The following POF1B variants were observed in gnomAD, a reference collection of about 807,000 sequenced individuals.
POF1B encodes protein POF1B.
Under a neutral mutation model 55.3 loss-of-function variants are expected in POF1B, and 53 were observed. The observed-to-expected ratio is 0.96, with a 90% CI of 0.77 to 1.20. POF1B has a LOEUF of 1.20. Among genes scored for constraint, POF1B ranks in the 50% most tolerant of loss-of-function variants. The probability of loss-of-function intolerance (pLI) is 0.00; values close to 1 mark genes in which losing one functional copy is unlikely to be tolerated. For synonymous variants in POF1B, 188 were observed against 148.3 expected (o/e 1.27, Z -1.95); for missense variants, 478 against 420.5 (o/e 1.14, Z -1.20).
intron 15 of POF1B, among the ~76,000 whole-genome samples, chrX:85,290,906 T>G (rs1932171098): frequency 8.9e-6 from 1 of 112,158 alleles, no homozygotes; most frequent in Non-Finnish European, 1.9e-5. Flanking sequence ...CCCTTGATAT[T>G]TTCTCTTGCT....
intron 7 of POF1B, among the ~76,000 whole-genome samples, chrX:85,324,609 T>C (rs183592945): frequency 8.9e-6 from 1 of 111,870 alleles, no homozygotes; most frequent in East Asian, 2.8e-4. Flanking sequence ...TGTCATTTTA[T>C]GTCACATGAG....
chrX:85,364,633 G>C (rs1933685179), intron 3 of POF1B, among the ~76,000 whole-genome samples: 1 of 111,259 alleles, frequency 9.0e-6, no homozygotes, highest in Non-Finnish European at 1.9e-5. Flanking sequence ...TAGCCTGATG[G>C]GCTTTCCTTT....
At chrX:85,361,139 G>A (rs1480470582) in intron 3 of POF1B, among the ~76,000 whole-genome samples, 4 of 111,867 alleles carry the variant, frequency 3.6e-5, no homozygotes, top group African/African-American at 1.3e-4. Context: ...CTTGTCAAAT[G>A]TGTAGTTGAC....
chrX:85,351,359 A>T lies in POF1B; in HGVS notation c.531T>A (p.Asn177Lys). ...EKTIRKVEKL[N>K]TDQGCHPQAQ... The stretch of plus-strand genomic sequence containing the variant: ...ACAAAATATTACTTACCTGATCAGT[A>T]TTTAGCTTCTCCACTTTTCTTATTG... The change falls in exon 5 of 17, where the codon AAT becomes AAA. Residue 177 changes from asparagine (N) to lysine (K), a missense_variant. Coordinates refer to ENST00000262753, the MANE Select transcript of POF1B (RefSeq NM_024921.4). The T allele has an allele frequency of 8.5e-7, 1 of 1,176,467 alleles. No individual in the cohort carries two copies. The highest frequency in any genetic ancestry group is 2.2e-5 in the Admixed American group (1 of 44,646).
At chrX:85,370,234 T>C (rs1471881558) in intron 2 of POF1B, among the ~76,000 whole-genome samples, 1 of 111,973 alleles carries the variant, frequency 8.9e-6, no homozygotes, top group African/African-American at 3.2e-5. Context: ...TGGCAAACAG[T>C]TGTATTTGAG....
chrX:85,371,118 A>G (rs1200760454), intron 2 of POF1B, among the ~76,000 whole-genome samples: 2 of 111,247 alleles, frequency 1.8e-5, no homozygotes, highest in Non-Finnish European at 3.8e-5. Context: ...TTATACTACT[A>G]GCCACTTTTG....
intron 2 of POF1B, among the ~76,000 whole-genome samples, chrX:85,373,025 A>T: frequency 9.1e-6 from 1 of 110,121 alleles, no homozygotes; most frequent in South Asian, 3.8e-4. Flanking sequence ...TTCTAGGATT[A>T]TTTCTGAGCA....
chrX:85,301,766 A>G (rs1351919429), intron 15 of POF1B, among the ~76,000 whole-genome samples: 1 of 112,197 alleles, frequency 8.9e-6, no homozygotes, highest in Non-Finnish European at 1.9e-5. Flanking sequence ...CATAAGACAT[A>G]GAAACAAATA....
intron 6 of POF1B, among the ~76,000 whole-genome samples, chrX:85,332,894 G>A (rs1464229157): frequency 9.0e-6 from 1 of 110,741 alleles, no homozygotes; most frequent in Non-Finnish European, 1.9e-5. Context: ...ACTCTCATAT[G>A]TGAAGGCATG....
chrX:85,301,484 A>G (rs1208886995), intron 15 of POF1B, among the ~76,000 whole-genome samples: 4 of 111,888 alleles, frequency 3.6e-5, no homozygotes, highest in Non-Finnish European at 7.5e-5. Context: ...CTGTTCTACA[A>G]GAAATACTAA....
chrX:85,349,094 T>C (rs1473130572), intron 5 of POF1B, among the ~76,000 whole-genome samples: 1 of 111,233 alleles, frequency 9.0e-6, no homozygotes, highest in Non-Finnish European at 1.9e-5. Flanking sequence ...CTCTGTAAGA[T>C]GAGTATTCAA....
rs1463689660 is a variant in POF1B, at chrX:85,365,212, A to G, written c.357+2480T>C. 1.7e-4 allele frequency among the ~76,000 whole-genome samples: 19 copies of G among 111,848 alleles called. No individual in the cohort carries two copies. In the Admixed American group the frequency reaches 1.8e-3, roughly 11 times the overall value. On this transcript the variant is annotated intron_variant, in intron 3 of 16. Transcript: ENST00000262753. ...GGGTTTTGCCATTCTCCTAAATCTC[A>G]ATGATCTTTATTTCTATCCATATTC...
chrX:85,331,235 A>G (rs1932974345), intron 6 of POF1B, among the ~76,000 whole-genome samples, 156 bp from the exon 7 acceptor site: 2 of 111,862 alleles, frequency 1.8e-5, no homozygotes, highest in African/African-American at 6.5e-5. Flanking sequence ...GGAGAAATTT[A>G]AAGAAAAATC....
chrX:85,306,871 T>C (rs112182221), intron 11 of POF1B, among the ~76,000 whole-genome samples: 3,027 of 111,759 alleles, frequency 0.027, 101 homozygotes, highest in African/African-American at 0.093. Flanking sequence ...TGTTAGTACA[T>C]TAAATAAATG....
Position 85,279,391 on chromosome X carries a change from T to G in POF1B, c.*30A>C, listed in dbSNP as rs1931848135. 3 of 1,177,783 alleles carry G rather than the reference T, an allele frequency of 2.5e-6. No individual in the cohort carries two copies. In the South Asian group the frequency reaches 5.5e-5, roughly 22 times the overall value. On this transcript the variant is annotated 3_prime_UTR_variant, in exon 17 of 17. Transcript: ENST00000262753. ...ACACACACACAAAAAAAAAACGGCTTTGAGTTGTAATACTTTAAAGTGGAT... is the reference window on the plus strand; with the variant it reads ...ACACACACACAAAAAAAAAACGGCTGTGAGTTGTAATACTTTAAAGTGGAT...
At position 85,290,762 on chromosome X, in the gene POF1B, T is replaced by C. The variant is rs377087990; in HGVS notation, c.1650-8445A>G. Among the ~76,000 whole-genome samples the C allele has an allele frequency of 6.2e-4, 70 of 112,269 alleles. No homozygotes were observed. In the South Asian group the frequency reaches 0.025, roughly 40 times the overall value. ...TGCTTGTATGTCTTCATTTGAGAAG[T>C]GTATGTTCATATCCATTGCCTACTT... On this transcript the variant is annotated intron_variant, in intron 15 of 16. Coordinates refer to ENST00000262753, the MANE Select transcript of POF1B (RefSeq NM_024921.4).
At chrX:85,376,904 C>T (rs1484675438) in intron 2 of POF1B, among the ~76,000 whole-genome samples, 1 of 110,943 alleles carries the variant, frequency 9.0e-6, no homozygotes, top group Non-Finnish European at 1.9e-5. Context: ...TCATTAATTC[C>T]CTGAATGTCT....
At position 85,351,370 on chromosome X, in the gene POF1B, C is replaced by G. The variant is rs960231266; in HGVS notation, c.520G>C (p.Glu174Gln). The change falls in exon 5 of 17, where the codon GAG (glutamate) becomes CAG (glutamine). Residue 174 changes from glutamate to glutamine, a missense_variant. Glu to Gln is a conservative substitution (Grantham distance 29). Transcript: ENST00000262753. ...CTTACCTGATCAGTATTTAGCTTCT[C>G]CACTTTTCTTATTGTTTTTTCATAA... The part of the protein sequence containing the change: ...VIYEKTIRKV[E>Q]KLNTDQGCHP... 2.3e-5 allele frequency: 27 copies of G among 1,190,668 alleles called. No homozygotes were observed. The highest frequency in any genetic ancestry group is 3.1e-5 in the Non-Finnish European group (27 of 880,699).
Position 85,308,134 on chromosome X carries a change from T to A in POF1B, c.1040A>T (p.Asn347Ile). The A allele has an allele frequency of 5.1e-6, 6 of 1,184,957 alleles. No individual in the cohort carries two copies. The highest frequency in any genetic ancestry group is 6.8e-6 in the Non-Finnish European group (6 of 876,839). Residue 347 changes from asparagine (N) to isoleucine (I), a missense_variant, in exon 10 of 17, where the codon AAT becomes ATT. Physicochemically the swap from Asn to Ile is moderately radical, Grantham distance 149. Transcript: ENST00000262753. Reference sequence around the variant, plus strand: ...CAAAATAAATCTTACTGTCATATCATTTTGAAGATGTCCAAGCTCCTCCCG... The same window carrying A: ...CAAAATAAATCTTACTGTCATATCAATTTGAAGATGTCCAAGCTCCTCCCG... The part of the protein sequence containing the change: ...NIREELGHLQ[N>I]DMTSLENDKM...
Sources: gnomAD v4.1 joint callset for allele counts (sites outside exome capture counted in the v4.1 genomes callset) on GRCh38, gnomAD v4.1.1 for gene constraint, MANE v1.5 for transcripts, NCBI Gene and HGNC (gene_info 2026-07-23, HGNC 2026-07-21) for gene names.